Variants in BIRC3 observed in about 807,000 individuals in gnomAD.
BIRC3 encodes the protein baculoviral IAP repeat-containing protein 3.
Under a neutral mutation model 59.0 loss-of-function variants are expected in BIRC3, and 26 were observed. That is an observed-to-expected ratio of 0.44 (90% confidence interval 0.32 to 0.61). BIRC3 has a LOEUF of 0.61. Ranked by LOEUF, BIRC3 falls within the 20% of genes least tolerant of loss-of-function variation. The pLI is 0.04. For missense variants in BIRC3, 641 were observed against 711.5 expected (o/e 0.90, Z 1.13); for synonymous variants, 243 against 249.2 (o/e 0.98, Z 0.24).
At position 102,324,953 on chromosome 11, in the gene BIRC3, C is replaced by T. The variant is rs1356626523; in HGVS notation, c.444C>T (p.Ser148=). 1 of 1,614,028 alleles carries T rather than the reference C, an allele frequency of 6.2e-7. No homozygotes were observed. The highest frequency in any genetic ancestry group is 1.3e-5 in the African/African-American group (1 of 74,902). The change falls in exon 2 of 9, where the codon TCC becomes TCT. Residue 148 remains serine (S), a synonymous_variant. Transcript: ENST00000263464. The stretch of plus-strand genomic sequence containing the variant: ...ACTCTCCATCAAATCCTGTAAACTC[C>T]AGAGCAAATCAAGATTTTTCTGCCT... ...YSNSPSNPVN[S]RANQDFSALM...
At chr11:102,334,104 A>G (rs1391061660) in intron 6 of BIRC3, among the ~76,000 whole-genome samples, 2 of 152,246 alleles carry the variant, frequency 1.3e-5, no homozygotes, top group African/African-American at 4.8e-5. Flanking sequence ...CAGAGAATGC[A>G]TTATATTAGG....
chr11:102,323,835 C>T lies in BIRC3; in HGVS notation c.-675C>T, dbSNP rs1169306342. 1 of 200,866 alleles carries T rather than the reference C, an allele frequency of 5.0e-6. No homozygotes were observed. Among genetic ancestry groups the T allele is most frequent in the African/African-American group, 2.3e-5 (1 of 43,478 alleles). The allele number at this position is 200,866 out of a possible 1,614,324, so 12.4% of individuals were successfully genotyped here. On this transcript the variant is annotated 5_prime_UTR_variant, in exon 2 of 9. Transcript: ENST00000263464. Reference sequence around the variant, plus strand: ...AATCTTACCATTATTTTACGTACCTCTAAGAAATAAAAGTGCTTCTAATTA... The same window carrying T: ...AATCTTACCATTATTTTACGTACCTTTAAGAAATAAAAGTGCTTCTAATTA...
At chr11:102,328,267 G>T (rs1351154657) in intron 4 of BIRC3, 137 bp downstream of exon 4, 1 of 691,356 alleles carries the variant, frequency 1.4e-6, no homozygotes, top group African/African-American at 1.9e-5. Context: ...AACCTGACAT[G>T]ATTTTAGAAA....
Position 102,322,367 on chromosome 11 carries a change from A to G in BIRC3, c.-2143A>G, listed in dbSNP as rs1951039125. On this transcript the variant is annotated 5_prime_UTR_variant, in exon 2 of 9. Transcript: ENST00000263464. ...CAAAGCTTTTTGATATGTGCAACAA[A>G]TTTAGAGGAAGTAAAAAGATAAATG... 4.8e-6 allele frequency: 1 copy of G among 206,250 alleles called. No homozygotes were observed. 12.8% of individuals were successfully genotyped at this position (206,250 alleles called of 1,614,324 possible). A position where few individuals can be genotyped will look rare whatever the true frequency, so the allele number is the denominator to read the frequency against.
chr11:102,338,170 C>T lies in BIRC3; in HGVS notation c.*1068C>T. ...CCCTCTGCATTATGTTATTGGTACT[C>T]AACACGTCCGAGTCATAACTCTGTC... On this transcript the variant is annotated 3_prime_UTR_variant, in exon 9 of 9. Transcript: ENST00000263464. 4.4e-6 allele frequency: 1 copy of T among 228,082 alleles called. No individual in the cohort carries two copies. Among genetic ancestry groups the T allele is most frequent in the Non-Finnish European group, 8.7e-6 (1 of 114,866 alleles). 14.1% of individuals were successfully genotyped at this position (228,082 alleles called of 1,614,324 possible).
chr11:102,328,945 A>G lies in BIRC3; in HGVS notation c.1081A>G (p.Ile361Val), dbSNP rs377252240. 2.0e-5 allele frequency: 30 copies of G among 1,465,092 alleles called. No homozygotes were observed. Among genetic ancestry groups the G allele is most frequent in the Non-Finnish European group, 2.5e-5 (28 of 1,110,040 alleles). The allele number at this position is 1,465,092 out of a possible 1,614,324, so 90.8% of individuals were successfully genotyped here. ...SPGDENAESS[I>V]IHFEPGEDHS... ...AGGAGATGAAAATGCAGAGTCATCAAGTAAGTACAATGGATAATAATGAAT... is the reference window on the plus strand; with the variant it reads ...AGGAGATGAAAATGCAGAGTCATCAGGTAAGTACAATGGATAATAATGAAT... Residue 361 changes from isoleucine to valine, a missense_variant and splice_region_variant, in exon 5 of 9, where the codon ATT becomes GTT. Ile to Val is a conservative substitution (Grantham distance 29, BLOSUM62 3). Coordinates refer to ENST00000263464, the MANE Select transcript of BIRC3 (RefSeq NM_001165.5).
At chr11:102,329,053 A>G in intron 5 of BIRC3, 108 bp downstream of exon 5, 1 of 595,594 alleles carries the variant, frequency 1.7e-6, no homozygotes, top group Non-Finnish European at 2.7e-6. Flanking sequence ...ATAATTTACG[A>G]TGAATGCATT....
Position 102,328,199 on chromosome 11 carries a change from T to A in BIRC3, c.1032+69T>A, listed in dbSNP as rs888042416. 15 of 1,174,786 alleles carry A rather than the reference T, an allele frequency of 1.3e-5. No homozygotes were observed. In the South Asian group the frequency reaches 2.0e-4, roughly 16 times the overall value. The allele number at this position is 1,174,786 out of a possible 1,614,324, so 72.8% of individuals were successfully genotyped here. ...ATTGCTTTCTGATAATTACAGAGAG[T>A]GCTATTTGAGTGAAAAGACAAGAGT... is the stretch of plus-strand genomic sequence containing the variant. On this transcript the variant is annotated intron_variant, in intron 4 of 8. Transcript: ENST00000263464.
intron 6 of BIRC3, among the ~76,000 whole-genome samples, chr11:102,333,534 A>C (rs1224541662): frequency 6.6e-6 from 1 of 151,746 alleles, no homozygotes; most frequent in Non-Finnish European, 1.5e-5. Context: ...ATGCCACTGC[A>C]TTCCAGCCTG....
intron 1 of BIRC3, among the ~76,000 whole-genome samples, chr11:102,317,941 A>C: frequency 6.6e-6 from 1 of 152,316 alleles, no homozygotes; most frequent in Admixed American, 6.5e-5. Context: ...ACAGGAAGGA[A>C]GTAAAACGTT....
chr11:102,337,922 G>T lies in BIRC3; in HGVS notation c.*820G>T. The T allele has an allele frequency of 4.4e-6, 1 of 227,222 alleles. No individual in the cohort carries two copies. The highest frequency in any genetic ancestry group is 8.8e-6 in the Non-Finnish European group (1 of 114,270). 14.1% of individuals were successfully genotyped at this position (227,222 alleles called of 1,614,324 possible). A position where few individuals can be genotyped will look rare whatever the true frequency, so the allele number is the denominator to read the frequency against. On this transcript the variant is annotated 3_prime_UTR_variant, in exon 9 of 9. Transcript: ENST00000263464. ...ATCTATTATGGAATGCCTGAGACAA[G>T]AATCAAACAGTCCCTTTAGTAAGTT...
intron 6 of BIRC3, among the ~76,000 whole-genome samples, chr11:102,333,267 T>G (rs1358242804): frequency 6.6e-6 from 1 of 151,648 alleles, no homozygotes; most frequent in East Asian, 1.9e-4. Flanking sequence ...TTTCCCAGAA[T>G]AAAATAATAA....
Position 102,336,755 on chromosome 11 carries a change from C to T in BIRC3, c.1580-5C>T. On this transcript the variant is annotated splice_region_variant and splice_polypyrimidine_tract_variant and intron_variant, in intron 7 of 8. Coordinates refer to ENST00000263464, the MANE Select transcript of BIRC3 (RefSeq NM_001165.5). ...ATAGTAATGCTTTTTCTTTTTCTCC[C>T]TTAGTGCAACAGGACATAAAATATA... The T allele has an allele frequency of 6.2e-7, 1 of 1,603,038 alleles. No individual in the cohort carries two copies. The highest frequency in any genetic ancestry group is 1.1e-5 in the South Asian group (1 of 88,370).
Position 102,328,956 on chromosome 11 carries a change from T to C in BIRC3, c.1081+11T>C. The C allele has an allele frequency of 7.0e-7, 1 of 1,438,766 alleles. No individual in the cohort carries two copies. Among genetic ancestry groups the C allele is most frequent in the South Asian group, 1.4e-5 (1 of 69,616 alleles). The allele number at this position is 1,438,766 out of a possible 1,614,324, so 89.1% of individuals were successfully genotyped here. On this transcript the variant is annotated intron_variant, in intron 5 of 8. Transcript: ENST00000263464. The stretch of plus-strand genomic sequence containing the variant: ...ATGCAGAGTCATCAAGTAAGTACAA[T>C]GGATAATAATGAATGCATTTAAATA...
chr11:102,326,677 A>C (rs1591521326), intron 3 of BIRC3: 2 of 453,836 alleles, frequency 4.4e-6, no homozygotes, highest in East Asian at 6.9e-5. Context: ...TCGATTAATA[A>C]ATGTGGCATC....
At chr11:102,333,975 G>A (rs774008237) in intron 6 of BIRC3, among the ~76,000 whole-genome samples, 2 of 152,114 alleles carry the variant, frequency 1.3e-5, no homozygotes, top group South Asian at 2.1e-4. Context: ...GATGGTGTAT[G>A]CCTGGTAATC....
chr11:102,331,921 A>G lies in BIRC3; in HGVS notation c.1324+680A>G, dbSNP rs148234180. Among the ~76,000 whole-genome samples the G allele has an allele frequency of 2.4e-3, 364 of 152,278 alleles. 1 individual carries two copies. The highest frequency in any genetic ancestry group is 8.2e-3 in the African/African-American group (341 of 41,568). On this transcript the variant is annotated intron_variant, in intron 6 of 8. Coordinates refer to ENST00000263464, the MANE Select transcript of BIRC3 (RefSeq NM_001165.5). ...CTCCCAAAGTGCTGGGATTACAGGC[A>G]TGAGCCACCGTGCCTGGCTGGATGG... is the stretch of plus-strand genomic sequence containing the variant.
chr11:102,326,750 C>T (rs770124180), intron 3 of BIRC3: 21 of 454,880 alleles, frequency 4.6e-5, no homozygotes, highest in South Asian at 3.3e-4. Context: ...CTCTGTTGCC[C>T]AGATTGGAGT....
Position 102,325,075 on chromosome 11 carries a change from T to C in BIRC3, c.566T>C (p.Leu189Pro). The change falls in exon 2 of 9, where the codon CTG becomes CCG. Residue 189 changes from leucine (L) to proline (P), a missense_variant. Around this residue, in one of 4 missense-constraint regions of BIRC3, gnomAD observed 329 missense variants for 365.6 expected, o/e 0.90. Transcript: ENST00000263464. ...TTGACTTTTCTGTCGCCAACAGATC[T>C]GGCAAAAGCAGGCTTTTACTACATA... is the stretch of plus-strand genomic sequence containing the variant. ...WPLTFLSPTD[L>P]AKAGFYYIGP... 1 of 1,614,210 alleles carries C rather than the reference T, an allele frequency of 6.2e-7. No individual in the cohort carries two copies. Among genetic ancestry groups the C allele is most frequent in the Non-Finnish European group, 8.5e-7 (1 of 1,180,020 alleles).
Sources: allele counts gnomAD v4.1 joint callset (sites outside exome capture counted in the v4.1 genomes callset), GRCh38; gene constraint gnomAD v4.1.1; regional missense constraint gnomAD v4.1.1; transcripts MANE v1.5; gene names NCBI Gene and HGNC (gene_info 2026-07-23, HGNC 2026-07-21).